Variants in SFXN4 observed in about 807,000 individuals in gnomAD.
SFXN4 encodes sideroflexin-4.
A neutral mutation model predicts 54.6 loss-of-function variants in SFXN4; 48 were observed. The observed-to-expected ratio is 0.88, with a 90% CI of 0.70 to 1.12. The LOEUF is 1.12. Ranked by LOEUF, SFXN4 falls within the 50% of genes most tolerant of loss-of-function variation. The pLI, the probability that SFXN4 is intolerant of heterozygous loss-of-function variation, is 0.00. For missense variants in SFXN4, 383 were observed against 409.2 expected, an observed-to-expected ratio of 0.94 and a Z score of 0.55; for synonymous variants, 130 against 145.5, an observed-to-expected ratio of 0.89 and a Z score of 0.77.
intron 13 of SFXN4, among the ~76,000 whole-genome samples, chr10:119,145,790 C>CTTTA (rs1448638598): frequency 6.6e-6 from 1 of 152,062 alleles, no homozygotes; most frequent in African/African-American, 2.4e-5. Flanking sequence ...TGACTACTAA[C>CTTTA]CCCCAGGTTG....
chr10:119,158,153 T>C, intron 6 of SFXN4, 91 bp from the exon 7 acceptor site: 1 of 1,242,918 alleles, frequency 8.0e-7, no homozygotes, highest in Non-Finnish European at 1.2e-6. Context: ...GAGGGAGAAT[T>C]GAGCCCCCAA....
Position 119,153,948 on chromosome 10 carries a change from C to T in SFXN4, c.732+1114G>A, listed in dbSNP as rs560251159. ...ATCCCCGTACGTTGGGAGGCCGAGG[C>T]GGGCGGAACACCTGAGGTCAGGAGT... On this transcript the variant is annotated intron_variant, in intron 11 of 13. Coordinates refer to ENST00000355697, the MANE Select transcript of SFXN4 (RefSeq NM_213649.2). 3.0e-3 allele frequency among the ~76,000 whole-genome samples: 449 copies of T among 152,046 alleles called. 4 individuals are homozygous for T. The highest frequency in any genetic ancestry group is 0.01 in the African/African-American group (428 of 41,500).
At position 119,155,168 on chromosome 10, in the gene SFXN4, C is replaced by T. The variant is rs758348599; in HGVS notation, c.626G>A (p.Ser209Asn). The change falls in exon 11 of 14, where the codon AGT becomes AAT. Residue 209 changes from serine to asparagine, a missense_variant. Transcript: ENST00000355697. ...TCGGGACATGTAGACATTCATTCCA[C>T]TGGCTTGCACTGTAGATGTAAAGAA... ...LLPVIFLVQA[S>N]GMNVYMSRSL... The T allele has an allele frequency of 5.6e-6, 9 of 1,611,714 alleles. No homozygotes were observed. In the Admixed American group the frequency reaches 1.2e-4, roughly 21 times the overall value.
intron 9 of SFXN4, 102 bp from the exon 10 acceptor site, chr10:119,156,858 T>G: frequency 1.3e-6 from 1 of 773,918 alleles, no homozygotes; most frequent in Non-Finnish European, 2.1e-6. Context: ...CTATTACAAG[T>G]CAGACCACTG....
intron 13 of SFXN4, 150 bp downstream of exon 13, chr10:119,146,086 A>G (rs1846781735): frequency 4.1e-6 from 2 of 487,806 alleles, no homozygotes; most frequent in Middle Eastern, 6.0e-4. Context: ...TTGGCCTCCC[A>G]AAGTGCTGGG....
intron 6 of SFXN4, among the ~76,000 whole-genome samples, chr10:119,158,615 CAAA>C (rs35982987): frequency 0.33 from 20,768 of 63,564 alleles, 1,148 homozygotes; most frequent in South Asian, 0.45. Flanking sequence ...GACTCCGTCT[CAAA>C]AAAAAAAAAA....
At chr10:119,153,115 C>T (rs564322118) in intron 11 of SFXN4, among the ~76,000 whole-genome samples, 2 of 152,108 alleles carry the variant, frequency 1.3e-5, no homozygotes, top group East Asian at 3.8e-4. Flanking sequence ...TTGAACTGAA[C>T]AAAAGAATAC....
At chr10:119,149,444 C>A (rs1410652843) in intron 11 of SFXN4, among the ~76,000 whole-genome samples, 1 of 152,108 alleles carries the variant, frequency 6.6e-6, no homozygotes, top group Non-Finnish European at 1.5e-5. Context: ...CCGAGGAGGG[C>A]TGTTTTTAAA....
intron 2 of SFXN4, among the ~76,000 whole-genome samples, chr10:119,163,895 C>T (rs1432805237): frequency 2.0e-5 from 3 of 151,872 alleles, no homozygotes; most frequent in Admixed American, 6.6e-5. Context: ...ACAAAATTAG[C>T]CGGGCATGGT....
At chr10:119,160,874 A>G (rs376990029) in intron 5 of SFXN4, 41 bp downstream of exon 5, 5 of 1,603,280 alleles carry the variant, frequency 3.1e-6, no homozygotes, top group Non-Finnish European at 4.3e-6. Flanking sequence ...GTTAGAAACT[A>G]CATCTTCCCA....
intron 11 of SFXN4, among the ~76,000 whole-genome samples, chr10:119,151,846 T>C (rs1361460934): frequency 2.6e-5 from 4 of 151,852 alleles, no homozygotes; most frequent in African/African-American, 7.3e-5. Flanking sequence ...CAAGGGTCTC[T>C]TTCTGTCACC....
intron 11 of SFXN4, among the ~76,000 whole-genome samples, chr10:119,150,027 T>C (rs984916414): frequency 5.3e-5 from 8 of 152,196 alleles, no homozygotes; most frequent in African/African-American, 1.9e-4. Flanking sequence ...CCATCAGATA[T>C]TGCTGGTTAC....
chr10:119,164,183 C>G lies in SFXN4; in HGVS notation c.125G>C (p.Arg42Pro). ...TAATAATTCTGTCCATTGAAGAAAT[C>G]GTCGAATAAAGGACTTAGGAGGGAG... ...WITERQSFIR[R>P]FLQWTELLDP... The change falls in exon 2 of 14, where the codon CGA (arginine) becomes CCA (proline). Residue 42 changes from arginine to proline, a missense_variant. Arg to Pro is a moderately radical substitution (Grantham distance 103, BLOSUM62 -2). Coordinates refer to ENST00000355697, the MANE Select transcript of SFXN4 (RefSeq NM_213649.2). The G allele has an allele frequency of 2.5e-6, 4 of 1,591,818 alleles. No homozygotes were observed. The South Asian group carries it at 4.6e-5, about 18-fold the overall frequency.
At chr10:119,145,310 GATTT>G (rs1201484858) in intron 13 of SFXN4, among the ~76,000 whole-genome samples, 1 of 59,604 alleles carries the variant, frequency 1.7e-5, no homozygotes, top group Non-Finnish European at 3.5e-5. Context: ...TTTTTCTTAT[GATTT>G]TTTTTTTTTT....
rs1846902007 is a variant in SFXN4, at chr10:119,148,201, G to A, written c.733-341C>T. ...AAGAAACTTAGTACAGGAGCAAGAC[G>A]ATTTCCAGGGATCCCACAACTCCTG... On this transcript the variant is annotated intron_variant, in intron 11 of 13. Transcript: ENST00000355697. Among the ~76,000 whole-genome samples the A allele has an allele frequency of 3.3e-5, 5 of 152,084 alleles. No individual in the cohort carries two copies. The South Asian group carries it at 6.2e-4, about 19-fold the overall frequency.
intron 6 of SFXN4, chr10:119,158,288 G>A (rs531140671): frequency 3.5e-5 from 20 of 577,628 alleles, no homozygotes; most frequent in Middle Eastern, 4.6e-4. Flanking sequence ...ACAGCAGGCC[G>A]TGTCTCCAGG....
intron 11 of SFXN4, among the ~76,000 whole-genome samples, chr10:119,154,456 G>A (rs1847198360): frequency 6.6e-6 from 1 of 152,212 alleles, no homozygotes; most frequent in South Asian, 2.1e-4. Context: ...GGAGGCCACG[G>A]TGGGAGGATC....
chr10:119,141,003 G>A lies in SFXN4; in HGVS notation c.*239C>T, dbSNP rs749488951. 60 of 419,070 alleles carry A rather than the reference G, an allele frequency of 1.4e-4. No individual in the cohort carries two copies. Among genetic ancestry groups the A allele is most frequent in the Admixed American group, 2.1e-4 (5 of 23,682 alleles). The allele number at this position is 419,070 out of a possible 1,614,324, so 26.0% of individuals were successfully genotyped here. A position where few individuals can be genotyped will look rare whatever the true frequency, so the allele number is the denominator to read the frequency against. On this transcript the variant is annotated 3_prime_UTR_variant, in exon 14 of 14. Transcript: ENST00000355697. ...TCGCAGGCCGATCCCCACTCCAACC[G>A]TTCCCTCAGCAACCCCAGGGGTGTC...
At chr10:119,159,831 T>C in intron 5 of SFXN4, 78 bp from the exon 6 acceptor site, 1 of 1,448,004 alleles carries the variant, frequency 6.9e-7, no homozygotes, top group Non-Finnish European at 9.7e-7. Flanking sequence ...ACTACCCACC[T>C]GAACACCTCT....
Sources: gnomAD v4.1 joint callset for allele counts (sites outside exome capture counted in the v4.1 genomes callset) on GRCh38, gnomAD v4.1.1 for gene constraint, MANE v1.5 for transcripts, NCBI Gene and HGNC (gene_info 2026-07-23, HGNC 2026-07-21) for gene names.